Variants in MAN1A2 observed in about 807,000 individuals in gnomAD.
MAN1A2 encodes mannosidase alpha class 1A member 2, also known as mannosyl-oligosaccharide 1,2-alpha-mannosidase IB.
Under a neutral mutation model 75.7 loss-of-function variants are expected in MAN1A2, and 26 were observed. That is an observed-to-expected ratio of 0.34 (90% CI 0.25 to 0.48). MAN1A2 has a LOEUF of 0.48. MAN1A2 is among the 20% of genes least tolerant of loss of function. MAN1A2 has a pLI of 0.99. For missense variants in MAN1A2, 562 were observed against 775.5 expected (o/e 0.72, Z 3.27); for synonymous variants, 247 against 264.6 (o/e 0.93, Z 0.65).
intron 12 of MAN1A2, among the ~76,000 whole-genome samples, chr1:117,512,377 G>C (rs1407784733): frequency 1.3e-5 from 2 of 152,006 alleles, no homozygotes; most frequent in Non-Finnish European, 2.9e-5. Flanking sequence ...CACCTGGAAG[G>C]CCTCTTAAAA....
intron 8 of MAN1A2, among the ~76,000 whole-genome samples, chr1:117,482,070 A>T (rs913458388): frequency 4.6e-5 from 7 of 151,704 alleles, no homozygotes; most frequent in African/African-American, 1.7e-4. Flanking sequence ...CTAGCTTAGA[A>T]TGGTATATAT....
intron 7 of MAN1A2, among the ~76,000 whole-genome samples, chr1:117,461,280 T>G (rs985645627): frequency 6.6e-6 from 1 of 152,164 alleles, no homozygotes; most frequent in African/African-American, 2.4e-5. Flanking sequence ...GACATTATGT[T>G]AAGTGAAATA....
At position 117,527,589 on chromosome 1, in the gene MAN1A2, CAG is replaced by C. The variant is rs1460978011; in HGVS notation, c.*4634_*4635del. On this transcript the variant is annotated 3_prime_UTR_variant, in exon 13 of 13. Coordinates refer to ENST00000356554, the MANE Select transcript of MAN1A2 (RefSeq NM_006699.5). ...GGACGATTGACTATAATGAAAGAGACAGAATAGGGTAAGGGAAGATGGGTATG... is the reference window on the plus strand; with the variant it reads ...GGACGATTGACTATAATGAAAGAGACAATAGGGTAAGGGAAGATGGGTATG... 2.0e-5 allele frequency: 3 copies of C among 151,936 alleles called. No individual in the cohort carries two copies. The highest frequency in any genetic ancestry group is 2.9e-5 in the Non-Finnish European group (2 of 67,942). The allele number at this position is 151,936 out of a possible 1,614,324, so 9.4% of individuals were successfully genotyped here.
At chr1:117,454,018 T>C (rs1649500952) in intron 6 of MAN1A2, among the ~76,000 whole-genome samples, 1 of 152,228 alleles carries the variant, frequency 6.6e-6, no homozygotes. Flanking sequence ...GATGATCATT[T>C]GCATTTTTAG....
chr1:117,497,083 C>A, intron 10 of MAN1A2, 101 bp downstream of exon 10: 2 of 850,332 alleles, frequency 2.4e-6, no homozygotes, highest in Admixed American at 3.1e-5. Flanking sequence ...TTTTTACTTC[C>A]AAATAGTTTA....
At chr1:117,459,843 C>T (rs1033718585) in intron 6 of MAN1A2, among the ~76,000 whole-genome samples, 138 of 152,196 alleles carry the variant, frequency 9.1e-4, no homozygotes, top group African/African-American at 3.0e-3. Context: ...TTAATTTTCA[C>T]ACAGGCACTA....
intron 1 of MAN1A2, among the ~76,000 whole-genome samples, chr1:117,368,943 C>T (rs933063989): frequency 6.6e-5 from 10 of 152,114 alleles, no homozygotes; most frequent in Admixed American, 2.0e-4. Flanking sequence ...CGTTTTCTGG[C>T]TTGTAGTTGA....
At chr1:117,371,431 G>A (rs1490693044) in intron 1 of MAN1A2, among the ~76,000 whole-genome samples, 1 of 152,180 alleles carries the variant, frequency 6.6e-6, no homozygotes, top group East Asian at 1.9e-4. Flanking sequence ...TGCTTTCAGA[G>A]CAAGGAATGT....
Position 117,368,114 on chromosome 1 carries a change from C to T in MAN1A2, c.-70C>T. The T allele has an allele frequency of 7.0e-7, 1 of 1,421,086 alleles. No individual in the cohort carries two copies. Among genetic ancestry groups the T allele is most frequent in the Non-Finnish European group, 9.5e-7 (1 of 1,057,202 alleles). 88.0% of individuals were successfully genotyped at this position (1,421,086 alleles called of 1,614,324 possible). ...CCCATTTTGGCCAAGATTTTGAAGACAGTTCAATGTATTCTACATTTGACA... is the reference window on the plus strand; with the variant it reads ...CCCATTTTGGCCAAGATTTTGAAGATAGTTCAATGTATTCTACATTTGACA... On this transcript the variant is annotated 5_prime_UTR_variant, in exon 1 of 13. Transcript: ENST00000356554.
At chr1:117,440,616 A>T (rs1429734689) in intron 5 of MAN1A2, among the ~76,000 whole-genome samples, 1 of 152,070 alleles carries the variant, frequency 6.6e-6, no homozygotes, top group African/African-American at 2.4e-5. Context: ...TGTCTACTAT[A>T]ACTGTTTATA....
intron 11 of MAN1A2, 77 bp downstream of exon 11, chr1:117,499,631 A>G: frequency 8.8e-7 from 1 of 1,136,166 alleles, no homozygotes; most frequent in Non-Finnish European, 1.2e-6. Context: ...ACCCTCACCC[A>G]TGTTACCTCA....
At chr1:117,402,481 T>C (rs1288609669) in intron 2 of MAN1A2, 40 bp downstream of exon 2, 2 of 1,532,070 alleles carry the variant, frequency 1.3e-6, no homozygotes, top group Admixed American at 2.1e-5. Context: ...GTTTATGGAT[T>C]TGTATTTGGA....
At chr1:117,459,396 G>A (rs939895937) in intron 6 of MAN1A2, among the ~76,000 whole-genome samples, 14 of 152,154 alleles carry the variant, frequency 9.2e-5, no homozygotes, top group Admixed American at 3.9e-4. Flanking sequence ...AAATTTAACA[G>A]CCACATGCTA....
At chr1:117,508,100 T>C (rs578112989) in intron 12 of MAN1A2, among the ~76,000 whole-genome samples, 1 of 151,850 alleles carries the variant, frequency 6.6e-6, no homozygotes, top group East Asian at 1.9e-4. Flanking sequence ...AAGGTGTGTA[T>C]TATTTTATAT....
At chr1:117,374,107 C>T (rs1475661732) in intron 1 of MAN1A2, among the ~76,000 whole-genome samples, 1 of 151,952 alleles carries the variant, frequency 6.6e-6, no homozygotes, top group Admixed American at 6.5e-5. Flanking sequence ...TGAGACTAGC[C>T]TGGGCAACAT....
chr1:117,387,526 C>T (rs547515415), intron 1 of MAN1A2, among the ~76,000 whole-genome samples: 4 of 152,076 alleles, frequency 2.6e-5, no homozygotes, highest in East Asian at 1.9e-4. Flanking sequence ...TGGATCATTC[C>T]GTATCAGTAG....
intron 1 of MAN1A2, among the ~76,000 whole-genome samples, chr1:117,391,037 C>T (rs1653702427): frequency 6.6e-6 from 1 of 152,086 alleles, no homozygotes; most frequent in Non-Finnish European, 1.5e-5. Context: ...TCTAGTTTTA[C>T]TTTTGATTTC....
chr1:117,517,038 G>T (rs967273554), intron 12 of MAN1A2, among the ~76,000 whole-genome samples: 5 of 152,108 alleles, frequency 3.3e-5, no homozygotes, highest in African/African-American at 7.2e-5. Flanking sequence ...CAACCAGACT[G>T]TAAAAATTCA....
chr1:117,444,361 C>G (rs937926755), intron 6 of MAN1A2, among the ~76,000 whole-genome samples: 8 of 149,874 alleles, frequency 5.3e-5, no homozygotes, highest in African/African-American at 2.0e-4. Context: ...AAATGGTTCT[C>G]AAGAATACAA....
Sources: gnomAD v4.1 joint callset for allele counts (sites outside exome capture counted in the v4.1 genomes callset) on GRCh38, gnomAD v4.1.1 for gene constraint, MANE v1.5 for transcripts, NCBI Gene and HGNC (gene_info 2026-07-23, HGNC 2026-07-21) for gene names.